The following PCDH9 variants were observed in gnomAD, a reference collection of about 807,000 sequenced individuals.
The protein encoded by PCDH9 is protocadherin-9.
A neutral mutation model predicts 70.6 loss-of-function variants in PCDH9; 24 were observed. That is an observed-to-expected ratio of 0.34 (90% CI 0.25 to 0.48). PCDH9 has a LOEUF of 0.48. Ranked by LOEUF, PCDH9 falls within the 20% of genes least tolerant of loss-of-function variation. The pLI is 0.99. For synonymous variants in PCDH9, 562 were observed against 558.5 expected (o/e 1.01, Z -0.09); for missense variants, 1,281 against 1,503.6 (o/e 0.85, Z 2.45).
At chr13:66,398,448 G>A (rs536689521) in intron 4 of PCDH9, among the ~76,000 whole-genome samples, 31 of 152,020 alleles carry the variant, frequency 2.0e-4, no homozygotes, top group Non-Finnish European at 3.8e-4. Flanking sequence ...AATTAATTGA[G>A]GACTTGATTT....
chr13:66,887,899 A>T (rs191880108), intron 3 of PCDH9, among the ~76,000 whole-genome samples: 2 of 152,320 alleles, frequency 1.3e-5, no homozygotes, highest in East Asian at 3.9e-4. Flanking sequence ...AAGTCATAAT[A>T]TTGCTTTTAA....
At chr13:66,410,204 A>T (rs574660801) in intron 4 of PCDH9, among the ~76,000 whole-genome samples, 63 of 147,882 alleles carry the variant, frequency 4.3e-4, no homozygotes, top group Middle Eastern at 3.5e-3. Context: ...CCTTTTTTTA[A>T]AAAAAAAAAA....
At chr13:66,848,927 CAAAAAAAAAAA>C (rs745587776) in intron 3 of PCDH9, among the ~76,000 whole-genome samples, 2 of 51,308 alleles carry the variant, frequency 3.9e-5, no homozygotes, top group East Asian at 5.9e-4. Context: ...GACTCCGTCT[CAAAAAAAAAAA>C]AAAAAAAAAA....
At chr13:67,059,473 T>C (rs948842438) in intron 2 of PCDH9, among the ~76,000 whole-genome samples, 20 of 150,344 alleles carry the variant, frequency 1.3e-4, no homozygotes, top group African/African-American at 4.9e-4. Context: ...CAGCAAGGTA[T>C]GGAATGCAAC....
intron 3 of PCDH9, among the ~76,000 whole-genome samples, chr13:66,870,932 T>C (rs1313625984): frequency 1.3e-5 from 2 of 152,128 alleles, no homozygotes; most frequent in African/African-American, 2.4e-5. Flanking sequence ...TAAAGACACA[T>C]GCACACTTAT....
At chr13:66,605,498 G>A (rs1195738497) in intron 4 of PCDH9, among the ~76,000 whole-genome samples, 3 of 152,062 alleles carry the variant, frequency 2.0e-5, no homozygotes, top group Non-Finnish European at 4.4e-5. Context: ...ATTTTTATAA[G>A]CAGCACTTAC....
chr13:66,687,745 C>A (rs931774403), intron 3 of PCDH9, among the ~76,000 whole-genome samples: 2 of 152,116 alleles, frequency 1.3e-5, no homozygotes, highest in African/African-American at 4.8e-5. Context: ...TCCATATCTA[C>A]TGACACCACC....
At chr13:66,318,178 A>AC (rs1955688229) in intron 4 of PCDH9, among the ~76,000 whole-genome samples, 2 of 152,196 alleles carry the variant, frequency 1.3e-5, no homozygotes, top group Non-Finnish European at 2.9e-5. Flanking sequence ...TACTTCATTA[A>AC]TATGGTTTCT....
intron 4 of PCDH9, among the ~76,000 whole-genome samples, chr13:66,384,563 G>C (rs1327876302): frequency 6.6e-6 from 1 of 151,896 alleles, no homozygotes. Flanking sequence ...CTATTTCTTA[G>C]GTAATTTCTA....
intron 2 of PCDH9, among the ~76,000 whole-genome samples, chr13:67,145,198 A>G (rs1475127588): frequency 1.3e-5 from 2 of 152,078 alleles, no homozygotes; most frequent in East Asian, 1.9e-4. Context: ...CACATTTTTC[A>G]TGATAAGAGT....
At chr13:66,921,367 A>G (rs1007422514) in intron 2 of PCDH9, among the ~76,000 whole-genome samples, 1 of 151,276 alleles carries the variant, frequency 6.6e-6, no homozygotes, top group African/African-American at 2.4e-5. Context: ...CCGAAAAAGC[A>G]AAGTTAGATT....
In PCDH9 at chr13:66,924,589, A is replaced by G. The variant is rs192755151; in HGVS notation, c.3037-20984T>C. Among the ~76,000 whole-genome samples the G allele has an allele frequency of 2.3e-3, 348 of 151,842 alleles. 1 individual carries two copies. The highest frequency in any genetic ancestry group is 7.5e-3 in the African/African-American group (312 of 41,500). ...ATATAAGAAATTTCCTAATGTACTAATCAAAAATCAAACAAACATATAATC... is the reference window on the plus strand; with the variant it reads ...ATATAAGAAATTTCCTAATGTACTAGTCAAAAATCAAACAAACATATAATC... On this transcript the variant is annotated intron_variant, in intron 2 of 4. Transcript: ENST00000377865.
At chr13:66,685,611 C>T (rs1195539339) in intron 3 of PCDH9, among the ~76,000 whole-genome samples, 3 of 152,272 alleles carry the variant, frequency 2.0e-5, no homozygotes, top group Non-Finnish European at 1.5e-5. Flanking sequence ...ATGGTAAATC[C>T]ACTGACAGCT....
rs911610009 is a variant in PCDH9 at position 66,303,502 on chromosome 13, T to C, written c.*1153A>G. 6.6e-6 allele frequency: 1 copy of C among 152,570 alleles called. No individual in the cohort carries two copies. Among genetic ancestry groups the C allele is most frequent in the Non-Finnish European group, 1.5e-5 (1 of 68,010 alleles). 9.5% of individuals were successfully genotyped at this position (152,570 alleles called of 1,614,324 possible). Reference sequence around the variant, plus strand: ...TAAATATTTTGTGGCTATGGTCTAATAACACTTGTGTTACAACAACATTAT... The same window carrying C: ...TAAATATTTTGTGGCTATGGTCTAACAACACTTGTGTTACAACAACATTAT... On this transcript the variant is annotated 3_prime_UTR_variant, in exon 5 of 5. Transcript: ENST00000377865.
At chr13:66,932,023 T>C (rs2082819520) in intron 2 of PCDH9, among the ~76,000 whole-genome samples, 1 of 152,072 alleles carries the variant, frequency 6.6e-6, no homozygotes, top group South Asian at 2.1e-4. Flanking sequence ...GAATGAAGTA[T>C]ATGGTAGATT....
At chr13:66,625,864 G>C (rs1041376066) in intron 4 of PCDH9, among the ~76,000 whole-genome samples, 1 of 151,732 alleles carries the variant, frequency 6.6e-6, no homozygotes, top group Non-Finnish European at 1.5e-5. Flanking sequence ...GGGTTTCACC[G>C]TGTTGGCCAG....
intron 2 of PCDH9, among the ~76,000 whole-genome samples, chr13:67,156,939 G>A (rs1348375334): frequency 1.3e-5 from 2 of 152,210 alleles, no homozygotes; most frequent in African/African-American, 4.8e-5. Context: ...AACCTTTCCC[G>A]TTTCACTAGC....
At chr13:66,942,292 GA>G (rs1189733612) in intron 2 of PCDH9, among the ~76,000 whole-genome samples, 41 of 151,232 alleles carry the variant, frequency 2.7e-4, no homozygotes, top group Non-Finnish European at 5.6e-4. Context: ...GTAATAACCA[GA>G]AAAAAAGGAA....
chr13:66,326,282 T>C (rs920272586), intron 4 of PCDH9, among the ~76,000 whole-genome samples: 6 of 152,066 alleles, frequency 3.9e-5, no homozygotes, highest in African/African-American at 1.4e-4. Context: ...CAGTATTCCA[T>C]GTTTCCCCAT....
Sources: allele counts gnomAD v4.1 joint callset (sites outside exome capture counted in the v4.1 genomes callset), GRCh38; gene constraint gnomAD v4.1.1; transcripts MANE v1.5; gene names NCBI Gene and HGNC (gene_info 2026-07-23, HGNC 2026-07-21).